Variants in HS6ST3 observed in about 807,000 individuals in gnomAD.
HS6ST3 encodes heparan sulfate 6-O-sulfotransferase 3.
HS6ST3 carries 12 observed loss-of-function variants against 36.7 expected under a neutral mutation model. That is an observed-to-expected ratio of 0.33 (90% CI 0.21 to 0.53). HS6ST3 has a LOEUF of 0.53. Among genes scored for constraint, HS6ST3 ranks in the 20% least tolerant of loss-of-function variants. The pLI is 0.95. For missense variants in HS6ST3, 584 were observed against 640.9 expected (o/e 0.91, Z 0.96); for synonymous variants, 240 against 257.5 (o/e 0.93, Z 0.65).
At chr13:96,824,902 T>TC (rs776019186) in intron 1 of HS6ST3, among the ~76,000 whole-genome samples, 59 of 152,152 alleles carry the variant, frequency 3.9e-4, no homozygotes, top group Non-Finnish European at 6.6e-4. Context: ...GCATTATACA[T>TC]CCTGGGGAAT....
chr13:96,227,793 T>C (rs919844985), intron 1 of HS6ST3, among the ~76,000 whole-genome samples: 8 of 152,176 alleles, frequency 5.3e-5, no homozygotes, highest in Admixed American at 1.3e-4. Context: ...AAGGCCTTCA[T>C]TGCATGCTTC....
intron 1 of HS6ST3, among the ~76,000 whole-genome samples, chr13:96,558,421 T>C (rs2056249232): frequency 6.6e-6 from 1 of 152,222 alleles, no homozygotes; most frequent in Non-Finnish European, 1.5e-5. Flanking sequence ...AGAGATTTAC[T>C]AACTTGCCCT....
chr13:96,720,046 T>G (rs978425620), intron 1 of HS6ST3, among the ~76,000 whole-genome samples: 1 of 152,106 alleles, frequency 6.6e-6, no homozygotes, highest in Non-Finnish European at 1.5e-5. Flanking sequence ...AAAGCATCAG[T>G]TATGTCTCAT....
chr13:96,832,859 G>C lies in HS6ST3; in HGVS notation c.1077G>C (p.Lys359Asn), dbSNP rs2138551085. ...AFFGLTEFQR[K>N]TQFLFERTFN... ...TTGGGCTCACTGAGTTCCAGAGGAA[G>C]ACACAGTTTCTCTTTGAGAGAACAT... Residue 359 changes from lysine (K) to asparagine (N), a missense_variant, in exon 2 of 2, where the codon AAG (lysine) becomes AAC (asparagine). Physicochemically the swap from Lys to Asn is moderately conservative, Grantham distance 94 (BLOSUM62 0). Around this residue, in one of 3 missense-constraint regions of HS6ST3, gnomAD observed 360 missense variants for 411.3 expected, o/e 0.88. Transcript: ENST00000376705. 6.2e-7 allele frequency: 1 copy of C among 1,614,184 alleles called. No homozygotes were observed. Among genetic ancestry groups the C allele is most frequent in the Non-Finnish European group, 8.5e-7 (1 of 1,180,022 alleles).
intron 1 of HS6ST3, among the ~76,000 whole-genome samples, chr13:96,629,919 A>G (rs935796885): frequency 1.3e-5 from 2 of 152,000 alleles, no homozygotes; most frequent in Non-Finnish European, 2.9e-5. Context: ...GTTTCTCTAC[A>G]TCTTTTTCAC....
intron 1 of HS6ST3, among the ~76,000 whole-genome samples, chr13:96,331,535 C>T (rs528394331): frequency 3.3e-5 from 5 of 151,984 alleles, no homozygotes; most frequent in South Asian, 2.1e-4. Flanking sequence ...GCAGTCTGCC[C>T]GTTCTCAGAT....
chr13:96,141,805 A>G (rs1028538148), intron 1 of HS6ST3, among the ~76,000 whole-genome samples: 1 of 152,132 alleles, frequency 6.6e-6, no homozygotes, highest in African/African-American at 2.4e-5. Context: ...ACAGTACTCT[A>G]TGGAAAGAAT....
chr13:96,274,681 C>T (rs1220520960), intron 1 of HS6ST3, among the ~76,000 whole-genome samples: 1 of 152,036 alleles, frequency 6.6e-6, no homozygotes, highest in East Asian at 1.9e-4. Flanking sequence ...AGCTAACTGA[C>T]CCACCTGAGC....
chr13:96,349,717 C>T (rs1011200824), intron 1 of HS6ST3, among the ~76,000 whole-genome samples: 2 of 152,042 alleles, frequency 1.3e-5, no homozygotes, highest in African/African-American at 4.8e-5. Context: ...CATTTCAGTT[C>T]AGCAGAATTA....
chr13:96,298,918 C>G (rs1172302915), intron 1 of HS6ST3, among the ~76,000 whole-genome samples: 1 of 152,072 alleles, frequency 6.6e-6, no homozygotes, highest in Non-Finnish European at 1.5e-5. Context: ...AAAGGAAAAG[C>G]AATATCCTTT....
rs763744950 is a variant in HS6ST3, at chr13:96,091,125, CGGA to C, written c.273_275del (p.Glu91del). On this transcript the variant is annotated inframe_deletion, in exon 1 of 2. Coordinates refer to ENST00000376705, the MANE Select transcript of HS6ST3 (RefSeq NM_153456.4). ...GAGGGACCTCGGGGGGCCGCGGCGC[CGGA>C]GGAGGAGGACGAGGAGCCCGGAGAC... The C allele has an allele frequency of 3.7e-5, 53 of 1,444,484 alleles. No individual in the cohort carries two copies. Among genetic ancestry groups the C allele is most frequent in the Middle Eastern group, 4.5e-4 (2 of 4,426 alleles). The allele number at this position is 1,444,484 out of a possible 1,614,324, so 89.5% of individuals were successfully genotyped here. A position where few individuals can be genotyped will look rare whatever the true frequency, so the allele number is the denominator to read the frequency against.
intron 1 of HS6ST3, among the ~76,000 whole-genome samples, chr13:96,718,175 A>C (rs1361563640): frequency 2.0e-5 from 3 of 152,196 alleles, no homozygotes; most frequent in African/African-American, 7.2e-5. Flanking sequence ...TGCAGTGATT[A>C]TTAAATAATC....
intron 1 of HS6ST3, among the ~76,000 whole-genome samples, chr13:96,241,714 T>C (rs2054561074): frequency 6.6e-6 from 1 of 151,674 alleles, no homozygotes; most frequent in Admixed American, 6.6e-5. Flanking sequence ...GATTAAAATT[T>C]TGTTGTAGAA....
At chr13:96,728,085 C>G (rs1174656974) in intron 1 of HS6ST3, among the ~76,000 whole-genome samples, 3 of 152,110 alleles carry the variant, frequency 2.0e-5, no homozygotes, top group Non-Finnish European at 4.4e-5. Context: ...ACAATGCCCA[C>G]CTACCCCACT....
chr13:96,116,840 C>A (rs1405025806), intron 1 of HS6ST3, among the ~76,000 whole-genome samples: 1 of 152,150 alleles, frequency 6.6e-6, no homozygotes, highest in Non-Finnish European at 1.5e-5. Context: ...GTGTTCTTGC[C>A]ATTCCACTTA....
At chr13:96,162,034 A>G (rs2054138062) in intron 1 of HS6ST3, among the ~76,000 whole-genome samples, 1 of 152,232 alleles carries the variant, frequency 6.6e-6, no homozygotes, top group South Asian at 2.1e-4. Flanking sequence ...ACCTACTTAA[A>G]GATCTTGGAA....
chr13:96,569,660 G>A (rs990355533), intron 1 of HS6ST3, among the ~76,000 whole-genome samples: 1 of 151,946 alleles, frequency 6.6e-6, no homozygotes, highest in African/African-American at 2.4e-5. Context: ...CTGAGTAAGT[G>A]GTAAGATCTG....
chr13:96,455,191 C>T (rs769880844), intron 1 of HS6ST3, among the ~76,000 whole-genome samples: 14 of 152,054 alleles, frequency 9.2e-5, no homozygotes, highest in Admixed American at 1.3e-4. Flanking sequence ...GTATTAGTTG[C>T]GGAAAATAAT....
chr13:96,361,343 T>C (rs1411704669), intron 1 of HS6ST3, among the ~76,000 whole-genome samples: 1 of 152,204 alleles, frequency 6.6e-6, no homozygotes, highest in East Asian at 1.9e-4. Context: ...TTTGGCTCTT[T>C]TTAAATGACT....
Sources: allele counts gnomAD v4.1 joint callset (sites outside exome capture counted in the v4.1 genomes callset), GRCh38; gene constraint gnomAD v4.1.1; regional missense constraint gnomAD v4.1.1; transcripts MANE v1.5; gene names NCBI Gene and HGNC (gene_info 2026-07-23, HGNC 2026-07-21).